The following CAT variants were observed in gnomAD, a reference collection of about 807,000 sequenced individuals.
The protein encoded by CAT is catalase.
CAT carries 43 observed loss-of-function variants against 59.0 expected under a neutral mutation model. That is an observed-to-expected ratio of 0.73 (90% CI 0.57 to 0.94). The LOEUF is 0.94. Among genes scored for constraint, CAT ranks in the 40% least tolerant of loss-of-function variants. The pLI is 0.00. For missense variants in CAT, 664 were observed against 682.9 expected, an observed-to-expected ratio of 0.97 and a Z score of 0.31; for synonymous variants, 218 against 230.9, an observed-to-expected ratio of 0.94 and a Z score of 0.51.
At chr11:34,461,036 T>C (rs1856643484) in intron 8 of CAT, 1 of 631,900 alleles carries the variant, frequency 1.6e-6, no homozygotes, top group Admixed American at 2.7e-5. Flanking sequence ...GATTTATGGT[T>C]GGCCAGAGGG....
chr11:34,457,623 C>T (rs973753527), intron 8 of CAT, among the ~76,000 whole-genome samples: 10 of 152,140 alleles, frequency 6.6e-5, no homozygotes, highest in African/African-American at 2.4e-4. Flanking sequence ...TAACCATTCA[C>T]CTTGCTAATG....
At chr11:34,460,489 C>G (rs2133856450) in intron 8 of CAT, among the ~76,000 whole-genome samples, 1 of 138,058 alleles carries the variant, frequency 7.2e-6, no homozygotes, top group South Asian at 2.2e-4. Context: ...TGCTTTGTTG[C>G]CCAGGCTGGA....
At chr11:34,461,169 A>G (rs771829544) in intron 8 of CAT, 82 bp from the exon 9 acceptor site, 279 of 1,488,188 alleles carry the variant, frequency 1.9e-4, no homozygotes, top group Non-Finnish European at 2.4e-4. Context: ...TTGTACTTCA[A>G]ATTTCAGAAT....
Position 34,471,220 on chromosome 11 carries a change from T to A in CAT, c.1519-148T>A, listed in dbSNP as rs913179373. On this transcript the variant is annotated intron_variant, in intron 12 of 12. Transcript: ENST00000241052. ...AAGAATTCACTGGCAAAACACATAC[T>A]CTTCATTTTAGCGCTGGGCAATTTA... 76 of 856,800 alleles carry A rather than the reference T, an allele frequency of 8.9e-5. No homozygotes were observed. In the African/African-American group the frequency reaches 9.8e-4, roughly 11 times the overall value. The allele number at this position is 856,800 out of a possible 1,614,324, so 53.1% of individuals were successfully genotyped here. A position where few individuals can be genotyped will look rare whatever the true frequency, so the allele number is the denominator to read the frequency against.
intron 3 of CAT, among the ~76,000 whole-genome samples, 182 bp downstream of exon 3, chr11:34,451,280 T>C (rs1476036078): frequency 6.6e-6 from 1 of 152,240 alleles, no homozygotes; most frequent in Non-Finnish European, 1.5e-5. Flanking sequence ...TTTCTGTTTG[T>C]TGAGGTCTTA....
intron 9 of CAT, among the ~76,000 whole-genome samples, chr11:34,463,799 T>A (rs1303502107): frequency 6.6e-6 from 1 of 152,218 alleles, no homozygotes; most frequent in South Asian, 2.1e-4. Context: ...CTACATGTGC[T>A]GTACCCCTCA....
chr11:34,444,348 C>T (rs2133177656), intron 1 of CAT, among the ~76,000 whole-genome samples: 1 of 152,288 alleles, frequency 6.6e-6, no homozygotes, highest in South Asian at 2.1e-4. Flanking sequence ...AACTGGAAAT[C>T]TTAAAACTGG....
intron 8 of CAT, chr11:34,460,583 G>A (rs1369089835): frequency 6.4e-6 from 1 of 156,036 alleles, no homozygotes; most frequent in African/African-American, 2.4e-5. Context: ...GGAGTAGCTG[G>A]GACTACAGGC....
chr11:34,455,199 A>T (rs908211136), intron 6 of CAT, among the ~76,000 whole-genome samples: 3 of 152,216 alleles, frequency 2.0e-5, no homozygotes, highest in African/African-American at 7.2e-5. Context: ...CTTGTTCAGT[A>T]GTAAGAGTTC....
At chr11:34,450,049 G>C (rs1249085580) in intron 2 of CAT, among the ~76,000 whole-genome samples, 1 of 152,182 alleles carries the variant, frequency 6.6e-6, no homozygotes, top group East Asian at 1.9e-4. Context: ...GGAGTACCAG[G>C]AGAAAACCTA....
chr11:34,468,541 A>G (rs1465589481), intron 11 of CAT, 146 bp downstream of exon 11: 4 of 669,640 alleles, frequency 6.0e-6, no homozygotes, highest in Non-Finnish European at 1.1e-5. Flanking sequence ...GTAATCCCCA[A>G]CCAACTTCTG....
intron 6 of CAT, among the ~76,000 whole-genome samples, chr11:34,454,351 A>G (rs16925581): frequency 0.022 from 3,302 of 152,296 alleles, 127 homozygotes; most frequent in African/African-American, 0.076. Context: ...GAATGTTTTA[A>G]TCAACTGAAA....
At chr11:34,446,655 A>G (rs1371025920) in intron 1 of CAT, among the ~76,000 whole-genome samples, 3 of 152,190 alleles carry the variant, frequency 2.0e-5, no homozygotes, top group South Asian at 2.1e-4. Flanking sequence ...GAATGCTGGC[A>G]TGTAAATAAC....
intron 6 of CAT, 111 bp downstream of exon 6, chr11:34,454,037 A>C (rs991517680): frequency 4.3e-6 from 5 of 1,170,632 alleles, no homozygotes; most frequent in Admixed American, 3.8e-5. Flanking sequence ...CCTCACCTCC[A>C]TCCCCAAAGT....
intron 8 of CAT, 151 bp from the exon 9 acceptor site, chr11:34,461,100 G>A: frequency 1.2e-6 from 1 of 844,368 alleles, no homozygotes; most frequent in East Asian, 2.4e-5. Context: ...TAAGAGTAGA[G>A]GCTTCACTCT....
chr11:34,444,675 G>A (rs1856428470), intron 1 of CAT, among the ~76,000 whole-genome samples: 2 of 152,226 alleles, frequency 1.3e-5, no homozygotes, highest in Admixed American at 6.5e-5. Flanking sequence ...ATTAAAAGTG[G>A]AAGAATATGT....
chr11:34,453,395 T>G (rs35012776), intron 5 of CAT, among the ~76,000 whole-genome samples: 1 of 152,310 alleles, frequency 6.6e-6, no homozygotes, highest in East Asian at 1.9e-4. Flanking sequence ...ATGATGATGA[T>G]AGATAGCTAG....
intron 10 of CAT, 92 bp downstream of exon 10, chr11:34,464,327 G>A (rs576962467): frequency 3.2e-6 from 4 of 1,237,866 alleles, no homozygotes; most frequent in East Asian, 4.6e-5. Flanking sequence ...TGCCCCAACT[G>A]TCTGATGTAT....
chr11:34,439,061 G>T lies in CAT; in HGVS notation c.48G>T (p.Lys16Asn). 1 of 1,595,932 alleles carries T rather than the reference G, an allele frequency of 6.3e-7. No individual in the cohort carries two copies. The highest frequency in any genetic ancestry group is 2.3e-5 in the East Asian group (1 of 43,804). The change falls in exon 1 of 13, where the codon AAG (lysine) becomes AAT (asparagine). Residue 16 changes from lysine to asparagine, a missense_variant. Lys to Asn is a moderately conservative substitution (Grantham distance 94). Coordinates refer to ENST00000241052, the MANE Select transcript of CAT (RefSeq NM_001752.4). ...DPASDQMQHWKEQRAAQKADV... is the reference protein window; with the variant it reads ...DPASDQMQHWNEQRAAQKADV... The stretch of plus-strand genomic sequence containing the variant: ...CCAGCGACCAGATGCAGCACTGGAA[G>T]GAGCAGCGGGCCGCGCAGGTACACT...
Sources: allele counts gnomAD v4.1 joint callset (sites outside exome capture counted in the v4.1 genomes callset), GRCh38; gene constraint gnomAD v4.1.1; transcripts MANE v1.5; gene names NCBI Gene and HGNC (gene_info 2026-07-23, HGNC 2026-07-21).